The following BIRC6 variants were observed in gnomAD, a reference collection of about 807,000 sequenced individuals.
BIRC6 encodes the protein dual E2 ubiquitin-conjugating enzyme/E3 ubiquitin-protein ligase BIRC6.
BIRC6 carries 98 observed loss-of-function variants against 503.3 expected under a neutral mutation model. The observed-to-expected ratio is 0.19, with a 90% CI of 0.17 to 0.23. The LOEUF (loss-of-function observed/expected upper bound fraction) is 0.23, where lower values mean the gene tolerates loss of function less well. Among genes scored for constraint, BIRC6 ranks in the 10% least tolerant of loss-of-function variants. The pLI is 1.00. For synonymous variants in BIRC6, 2,240 were observed against 2,078.7 expected (o/e 1.08, Z -2.11); for missense variants, 5,360 against 5,806.0 (o/e 0.92, Z 2.50).
At position 32,481,381 on chromosome 2, in the gene BIRC6, T is replaced by G. The variant is rs1189237036; in HGVS notation, c.7470T>G (p.Asp2490Glu). The G allele has an allele frequency of 6.2e-7, 1 of 1,612,274 alleles. No homozygotes were observed. Among genetic ancestry groups the G allele is most frequent in the Admixed American group, 1.7e-5 (1 of 59,846 alleles). Residue 2490 changes from aspartate to glutamate, a missense_variant, in exon 38 of 74, where the codon GAT (aspartate) becomes GAG (glutamate). Asp to Glu is a conservative substitution (Grantham distance 45). Coordinates refer to ENST00000421745, the MANE Select transcript of BIRC6 (RefSeq NM_016252.4). ...AAATTGACCTTGAGTTACTTCAGGATCTAATGGAAGTTGACATTGATCCTT... is the reference window on the plus strand; with the variant it reads ...AAATTGACCTTGAGTTACTTCAGGAGCTAATGGAAGTTGACATTGATCCTT... ...DKEIDLELLQ[D>E]LMEVDIDPLD...
chr2:32,570,317 A>G (rs1158306751), intron 65 of BIRC6, among the ~76,000 whole-genome samples: 2 of 151,528 alleles, frequency 1.3e-5, no homozygotes, highest in Admixed American at 6.6e-5. Flanking sequence ...TTATTTATTT[A>G]TTTATTTTGA....
chr2:32,463,118 T>C, intron 23 of BIRC6, 76 bp from the exon 24 acceptor site: 2 of 1,253,454 alleles, frequency 1.6e-6, no homozygotes, highest in South Asian at 1.7e-5. Flanking sequence ...CCAAAATATT[T>C]GAACATGTTT....
At position 32,518,946 on chromosome 2, in the gene BIRC6, G is replaced by T; in HGVS notation, c.11623G>T (p.Asp3875Tyr). 6.2e-7 allele frequency: 1 copy of T among 1,612,930 alleles called. No homozygotes were observed. The highest frequency in any genetic ancestry group is 8.5e-7 in the Non-Finnish European group (1 of 1,179,222). The change falls in exon 57 of 74, where the codon GAT becomes TAT. Residue 3875 changes from aspartate to tyrosine, a missense_variant and splice_region_variant. Asp to Tyr is a radical substitution (Grantham distance 160). Around this residue, in one of 16 missense-constraint regions of BIRC6, gnomAD observed 878 missense variants for 928.9 expected, o/e 0.95. Coordinates refer to ENST00000421745, the MANE Select transcript of BIRC6 (RefSeq NM_016252.4). ...TLSDVLDRVS[D>Y]TPSITAKLIS... ...ATCAGATGTTCTTGACAGAGTGTCA[G>T]GCAAGTCAGATTTAAGTATTAGTTT...
intron 65 of BIRC6, among the ~76,000 whole-genome samples, chr2:32,559,953 T>C (rs939949518): frequency 6.7e-6 from 1 of 148,726 alleles, no homozygotes; most frequent in Non-Finnish European, 1.5e-5. Context: ...GAGGCGGAGG[T>C]TGCAGTGAGC....
chr2:32,566,763 C>A (rs548643137), intron 65 of BIRC6, among the ~76,000 whole-genome samples: 62 of 152,188 alleles, frequency 4.1e-4, no homozygotes, highest in Middle Eastern at 3.4e-3. Context: ...ATATTTTCAT[C>A]ATAAGTTTTT....
intron 29 of BIRC6, among the ~76,000 whole-genome samples, chr2:32,469,007 G>A (rs1227152610): frequency 1.3e-5 from 2 of 152,090 alleles, no homozygotes; most frequent in Non-Finnish European, 2.9e-5. Context: ...GTATTGACAT[G>A]CACATCATTG....
Position 32,401,197 on chromosome 2 carries a change from T to C in BIRC6, c.1069T>C (p.Phe357Leu). The C allele has an allele frequency of 6.2e-7, 1 of 1,614,044 alleles. No homozygotes were observed. Among genetic ancestry groups the C allele is most frequent in the Non-Finnish European group, 8.5e-7 (1 of 1,179,896 alleles). ...EHERHSPNCPFVKGEHTQNVP... is the reference protein window; with the variant it reads ...EHERHSPNCPLVKGEHTQNVP... ...CGAAAGACATTCCCCAAACTGCCCA[T>C]TTGTGAAAGGTGAGCACACACAGAA... Residue 357 changes from phenylalanine (F) to leucine (L), a missense_variant, in exon 7 of 74, where the codon TTT becomes CTT. Phe to Leu is a conservative substitution (Grantham distance 22). Transcript: ENST00000421745.
intron 71 of BIRC6, among the ~76,000 whole-genome samples, chr2:32,605,965 A>G (rs896854556): frequency 6.6e-6 from 1 of 152,180 alleles, no homozygotes; most frequent in African/African-American, 2.4e-5. Context: ...GTCACTTTCT[A>G]TTTTGGGTCA....
At chr2:32,392,899 C>T (rs1273581065) in intron 5 of BIRC6, among the ~76,000 whole-genome samples, 1 of 151,962 alleles carries the variant, frequency 6.6e-6, no homozygotes, top group African/African-American at 2.4e-5. Context: ...CTCATCCTCC[C>T]CAAAGTGTTG....
intron 13 of BIRC6, among the ~76,000 whole-genome samples, chr2:32,434,796 G>T (rs1422060181): frequency 6.6e-6 from 1 of 152,124 alleles, no homozygotes; most frequent in Admixed American, 6.5e-5. Flanking sequence ...GGATTTGGAG[G>T]TTACAGTGAG....
chr2:32,406,828 A>G (rs1467095055), intron 9 of BIRC6, among the ~76,000 whole-genome samples: 2 of 152,226 alleles, frequency 1.3e-5, no homozygotes, highest in Non-Finnish European at 2.9e-5. Context: ...TCAGGTAATT[A>G]AATGTTTTTA....
chr2:32,364,996 G>A (rs2034682990), intron 1 of BIRC6, among the ~76,000 whole-genome samples: 1 of 152,126 alleles, frequency 6.6e-6, no homozygotes, highest in Non-Finnish European at 1.5e-5. Context: ...AGATAAACAT[G>A]ATATAGAATT....
chr2:32,547,757 A>T, intron 63 of BIRC6, 93 bp from the exon 64 acceptor site: 2 of 1,163,608 alleles, frequency 1.7e-6, no homozygotes, highest in Non-Finnish European at 2.4e-6. Context: ...TGTTTTCCAT[A>T]GTAGCTTCAT....
At chr2:32,458,869 T>C (rs2047531935) in intron 23 of BIRC6, among the ~76,000 whole-genome samples, 1 of 151,904 alleles carries the variant, frequency 6.6e-6, no homozygotes, top group Non-Finnish European at 1.5e-5. Context: ...TTTTTATGTT[T>C]AGCATAAATG....
Position 32,431,101 on chromosome 2 carries a change from T to A in BIRC6, c.3248+11T>A, listed in dbSNP as rs1456482063. 3.8e-6 allele frequency: 6 copies of A among 1,563,934 alleles called. No homozygotes were observed. Among genetic ancestry groups the A allele is most frequent in the Non-Finnish European group, 5.3e-6 (6 of 1,142,102 alleles). On this transcript the variant is annotated intron_variant, in intron 12 of 73. Coordinates refer to ENST00000421745, the MANE Select transcript of BIRC6 (RefSeq NM_016252.4). ...ACTACAGACCGACAGGTAAAAGATATTCCCAAGATAATTAATTTTAAGTCC... is the reference window on the plus strand; with the variant it reads ...ACTACAGACCGACAGGTAAAAGATAATCCCAAGATAATTAATTTTAAGTCC...
chr2:32,403,119 T>C (rs547404258), intron 8 of BIRC6, among the ~76,000 whole-genome samples: 1 of 152,314 alleles, frequency 6.6e-6, no homozygotes, highest in South Asian at 2.1e-4. Context: ...GTTGATGTGG[T>C]AGGAGGAAGC....
intron 66 of BIRC6, among the ~76,000 whole-genome samples, chr2:32,593,550 A>G (rs1424263320): frequency 6.6e-6 from 1 of 152,186 alleles, no homozygotes; most frequent in East Asian, 1.9e-4. Context: ...TGAAATACAA[A>G]TAGTATTAAA....
chr2:32,578,989 T>TATATATATATATAC lies in BIRC6; in HGVS notation c.13355+3624_13355+3625insTATATATATATACA, dbSNP rs1480624603. On this transcript the variant is annotated intron_variant, in intron 66 of 73. Coordinates refer to ENST00000421745, the MANE Select transcript of BIRC6 (RefSeq NM_016252.4). Reference sequence around the variant, plus strand: ...TATTTTTATATACCTAATATATATATACACTTAATATATATATATACCTAA... The same window carrying TATATATATATATAC: ...TATTTTTATATACCTAATATATATATATATATATATATACACACTTAATATATATATATACCTAA... Among the ~76,000 whole-genome samples, 43 of 89,650 alleles carry TATATATATATATAC rather than the reference T, an allele frequency of 4.8e-4. 4 individuals are homozygous for TATATATATATATAC. Among genetic ancestry groups the TATATATATATATAC allele is most frequent in the East Asian group, 6.9e-4 (3 of 4,352 alleles). The allele number at this position is 89,650 out of a possible 152,430, so 58.8% of individuals were successfully genotyped here. A position where few individuals can be genotyped will look rare whatever the true frequency, so the allele number is the denominator to read the frequency against.
intron 9 of BIRC6, among the ~76,000 whole-genome samples, chr2:32,408,201 C>T (rs2041458476): frequency 6.6e-6 from 1 of 152,180 alleles, no homozygotes; most frequent in African/African-American, 2.4e-5. Context: ...CTCCTGACCT[C>T]AGGTGATCTG....
Sources: allele counts gnomAD v4.1 joint callset (sites outside exome capture counted in the v4.1 genomes callset), GRCh38; gene constraint gnomAD v4.1.1; regional missense constraint gnomAD v4.1.1; transcripts MANE v1.5; gene names NCBI Gene and HGNC (gene_info 2026-07-23, HGNC 2026-07-21).